PRIM2: variants seen among roughly 807,000 people sequenced by gnomAD.
The protein encoded by PRIM2 is DNA primase large subunit.
In PRIM2, 39 loss-of-function variants were observed where a neutral mutation model predicts 67.3. The observed-to-expected ratio is 0.58, with a 90% CI of 0.45 to 0.76. The LOEUF (loss-of-function observed/expected upper bound fraction) is 0.76. Ranked by LOEUF, PRIM2 falls within the 30% of genes least tolerant of loss-of-function variation. The pLI is 0.00. For synonymous variants in PRIM2, 143 were observed against 198.7 expected (o/e 0.72, Z 2.36); for missense variants, 398 against 598.7 (o/e 0.66, Z 3.50).
upstream of PRIM2, among the ~76,000 whole-genome samples, chr6:57,313,288 T>C (rs1393701927): frequency 1.3e-5 from 2 of 152,234 alleles, no homozygotes; most frequent in African/African-American, 4.8e-5. Flanking sequence ...TGTTTAGTAG[T>C]TGTTATCTAA....
chr6:57,614,710 C>T (rs1434588867), intron 12 of PRIM2, among the ~76,000 whole-genome samples: 1 of 152,182 alleles, frequency 6.6e-6, no homozygotes, highest in Admixed American at 6.5e-5. Context: ...ATTAGCCGGG[C>T]GTGCTAGCGG....
At chr6:57,421,750 C>G (rs1196548502) in intron 7 of PRIM2, among the ~76,000 whole-genome samples, 1 of 152,186 alleles carries the variant, frequency 6.6e-6, no homozygotes, top group Non-Finnish European at 1.5e-5. Context: ...TGGTTAGAGT[C>G]TCTGCCACTC....
the PRIM2 span, among the ~76,000 whole-genome samples, chr6:57,281,409 C>A: frequency 6.6e-6 from 1 of 152,256 alleles, no homozygotes; most frequent in South Asian, 2.1e-4. Context: ...AGTTTACATT[C>A]CCACCAACAG....
the PRIM2 span, among the ~76,000 whole-genome samples, chr6:57,309,343 A>G: frequency 7.9e-6 from 1 of 126,436 alleles, no homozygotes; most frequent in Non-Finnish European, 1.6e-5. Context: ...TCCTGTGTCC[A>G]TGTGATCTCA....
chr6:57,467,265 T>C (rs1392930298), intron 7 of PRIM2, among the ~76,000 whole-genome samples: 3 of 151,780 alleles, frequency 2.0e-5, no homozygotes, highest in Non-Finnish European at 2.9e-5. Context: ...TTAGGTCTTA[T>C]GTTTAAGTCT....
At chr6:57,297,880 A>G in the PRIM2 span, among the ~76,000 whole-genome samples, 12 of 152,240 alleles carry the variant, frequency 7.9e-5, no homozygotes, top group Non-Finnish European at 7.3e-5. Context: ...GCAAGGCTCA[A>G]GAACTATCCC....
At chr6:57,577,435 T>G (rs1775984470) in intron 10 of PRIM2, among the ~76,000 whole-genome samples, 1 of 142,762 alleles carries the variant, frequency 7.0e-6, no homozygotes, top group African/African-American at 2.6e-5. Flanking sequence ...AAATTTTTTT[T>G]TTTTTTTTTT....
intron 7 of PRIM2, among the ~76,000 whole-genome samples, chr6:57,448,527 T>G (rs551939181): frequency 1.2e-4 from 18 of 152,182 alleles, no homozygotes; most frequent in African/African-American, 4.1e-4. Flanking sequence ...AGATTATAGT[T>G]TGAGTTTTTA....
intron 10 of PRIM2, among the ~76,000 whole-genome samples, chr6:57,568,956 G>T (rs1384915529): frequency 3.9e-5 from 6 of 152,212 alleles, no homozygotes; most frequent in Non-Finnish European, 8.8e-5. Flanking sequence ...CTGCTTTTTG[G>T]TGACGATCAA....
chr6:57,581,774 T>G (rs1776087672), intron 10 of PRIM2, among the ~76,000 whole-genome samples: 1 of 152,180 alleles, frequency 6.6e-6, no homozygotes, highest in Non-Finnish European at 1.5e-5. Context: ...TAGCTTTCAG[T>G]CCTCTGGTGG....
upstream of PRIM2, among the ~76,000 whole-genome samples, chr6:57,311,535 A>T (rs975964507): frequency 7.9e-5 from 12 of 151,492 alleles, no homozygotes; most frequent in Non-Finnish European, 1.6e-4. Context: ...GACGTTCCTC[A>T]CTTCCTAGAG....
intron 8 of PRIM2, among the ~76,000 whole-genome samples, chr6:57,516,689 C>A (rs1238178045): frequency 6.6e-6 from 1 of 152,094 alleles, no homozygotes; most frequent in East Asian, 1.9e-4. Flanking sequence ...TGTATGAGAG[C>A]TGTTCAGTAA....
At chr6:57,499,352 G>A (rs1774078083) in intron 7 of PRIM2, among the ~76,000 whole-genome samples, 2 of 152,138 alleles carry the variant, frequency 1.3e-5, no homozygotes, top group Non-Finnish European at 2.9e-5. Context: ...CTTGGCATTT[G>A]AGGGAACAAC....
At chr6:57,559,465 A>T (rs1164122799) in intron 10 of PRIM2, among the ~76,000 whole-genome samples, 11 of 152,146 alleles carry the variant, frequency 7.2e-5, no homozygotes, top group African/African-American at 2.7e-4. Context: ...CTAAGGGCCT[A>T]CTCAGGTCAA....
At chr6:57,452,014 T>C (rs1772570591) in intron 7 of PRIM2, among the ~76,000 whole-genome samples, 1 of 150,312 alleles carries the variant, frequency 6.7e-6, no homozygotes, top group Non-Finnish European at 1.5e-5. Flanking sequence ...TTCCCACCTA[T>C]GAGTGAGAAC....
intron 10 of PRIM2, among the ~76,000 whole-genome samples, chr6:57,540,677 A>C (rs1290537025): frequency 6.6e-6 from 1 of 152,220 alleles, no homozygotes; most frequent in Non-Finnish European, 1.5e-5. Flanking sequence ...GCAAAAAGTT[A>C]AAATTTATCA....
intron 5 of PRIM2, among the ~76,000 whole-genome samples, chr6:57,364,210 T>C (rs1769281694): frequency 1.3e-5 from 2 of 152,326 alleles, no homozygotes; most frequent in Middle Eastern, 3.4e-3. Flanking sequence ...AGTTAAAATC[T>C]GTGTGGTCTG....
chr6:57,222,145 T>C, the PRIM2 span: 1 of 152,234 alleles, frequency 6.6e-6, no homozygotes, highest in African/African-American at 2.4e-5. Context: ...GAGCGGCTAG[T>C]TCGCACCCTC....
the PRIM2 span, among the ~76,000 whole-genome samples, chr6:57,258,822 T>A: frequency 6.6e-6 from 1 of 151,976 alleles, no homozygotes; most frequent in African/African-American, 2.4e-5. Context: ...AACTCTACCA[T>A]CTCCTCCGCT....
Sources: gnomAD v4.1 joint callset for allele counts (sites outside exome capture counted in the v4.1 genomes callset) on GRCh38, gnomAD v4.1.1 for gene constraint, MANE v1.5 for transcripts, NCBI Gene and HGNC (gene_info 2026-07-23, HGNC 2026-07-21) for gene names.